KDR: variants seen among roughly 807,000 people sequenced by gnomAD.
The protein encoded by KDR is kinase insert domain receptor.
Under a neutral mutation model 160.9 loss-of-function variants are expected in KDR, and 43 were observed. The observed-to-expected ratio is 0.27, with a 90% CI of 0.21 to 0.34. The LOEUF (loss-of-function observed/expected upper bound fraction) is 0.34, where lower values mean the gene tolerates loss of function less well. KDR is among the 10% of genes least tolerant of loss of function. KDR has a pLI of 1.00. For missense variants in KDR, 1,469 were observed against 1,666.4 expected (o/e 0.88, Z 2.06); for synonymous variants, 617 against 600.1 (o/e 1.03, Z -0.41).
chr4:55,125,395 C>A lies in KDR; in HGVS notation c.-102G>T. 1 of 1,418,932 alleles carries A rather than the reference C, an allele frequency of 7.0e-7. No homozygotes were observed. Among genetic ancestry groups the A allele is most frequent in the South Asian group, 1.2e-5 (1 of 81,630 alleles). 87.9% of individuals were successfully genotyped at this position (1,418,932 alleles called of 1,614,324 possible). A position where few individuals can be genotyped will look rare whatever the true frequency, so the allele number is the denominator to read the frequency against. The stretch of plus-strand genomic sequence containing the variant: ...GCGCGGAGGTGGAACTCGCGGCACC[C>A]CGCAGCGCAGGACAGTTGAGCGCAC... On this transcript the variant is annotated 5_prime_UTR_variant, in exon 1 of 30. Transcript: ENST00000263923.
chr4:55,087,846 G>T, intron 26 of KDR, 88 bp from the exon 27 acceptor site: 1 of 1,191,068 alleles, frequency 8.4e-7, no homozygotes, highest in Non-Finnish European at 1.2e-6. Context: ...GGGACTTCTT[G>T]GCTACATAGG....
intron 9 of KDR, among the ~76,000 whole-genome samples, 160 bp downstream of exon 9, chr4:55,110,243 A>G (rs1272695635): frequency 2.6e-5 from 4 of 152,192 alleles, no homozygotes; most frequent in African/African-American, 4.8e-5. Context: ...ACATGGTCCT[A>G]CGTTTCACTT....
At chr4:55,092,750 T>C (rs1369044960) in intron 21 of KDR, 36 bp from the exon 22 acceptor site, 8 of 1,396,062 alleles carry the variant, frequency 5.7e-6, no homozygotes, top group Non-Finnish European at 8.2e-6. Flanking sequence ...GATCAGTATT[T>C]CCATGAGTTA....
intron 3 of KDR, among the ~76,000 whole-genome samples, chr4:55,116,181 C>T (rs1720732124): frequency 6.6e-6 from 1 of 152,258 alleles, no homozygotes; most frequent in Non-Finnish European, 1.5e-5. Context: ...CTTTGGGAGG[C>T]TGAGGCAGGT....
At chr4:55,099,435 T>C (rs908507032) in intron 15 of KDR, among the ~76,000 whole-genome samples, 3 of 152,080 alleles carry the variant, frequency 2.0e-5, no homozygotes, top group Non-Finnish European at 2.9e-5. Flanking sequence ...AAGCCAAACA[T>C]AGAAAGTGTT....
At chr4:55,095,077 G>T in intron 20 of KDR, 122 bp from the exon 21 acceptor site, 1 of 970,154 alleles carries the variant, frequency 1.0e-6, no homozygotes, top group Non-Finnish European at 1.6e-6. Flanking sequence ...CAGACAAGGA[G>T]GACATCAATT....
intron 18 of KDR, chr4:55,096,584 C>A (rs747885781): frequency 4.0e-5 from 22 of 543,244 alleles, no homozygotes; most frequent in Middle Eastern, 4.9e-4. Context: ...CATTGTGAAA[C>A]CTTTTGCAAA....
chr4:55,094,348 T>C (rs1444384931), intron 21 of KDR, among the ~76,000 whole-genome samples: 5 of 151,996 alleles, frequency 3.3e-5, no homozygotes, highest in African/African-American at 4.8e-5. Flanking sequence ...TGGGGTAGGG[T>C]AGAAACAACA....
At chr4:55,098,454 G>A (rs1355875725) in intron 16 of KDR, among the ~76,000 whole-genome samples, 182 bp from the exon 17 acceptor site, 1 of 152,090 alleles carries the variant, frequency 6.6e-6, no homozygotes, top group Non-Finnish European at 1.5e-5. Context: ...AAGGAGCTCA[G>A]AATTAAGGTT....
In KDR at chr4:55,093,695, C is replaced by G. The variant is rs17085267; in HGVS notation, c.2972-981G>C. Among the ~76,000 whole-genome samples the G allele has an allele frequency of 5.5e-4, 83 of 152,146 alleles. No individual in the cohort carries two copies. In the East Asian group the frequency reaches 0.016, roughly 29 times the overall value. ...GGAAAAGGAGTTAAATGCAAATTCT[C>G]TCTGTAGCCTCATGTCAAGGGAAAC... On this transcript the variant is annotated intron_variant, in intron 21 of 29. Coordinates refer to ENST00000263923, the MANE Select transcript of KDR (RefSeq NM_002253.4).
intron 23 of KDR, 45 bp from the exon 24 acceptor site, chr4:55,089,847 A>G (rs2110011263): frequency 6.2e-7 from 1 of 1,606,840 alleles, no homozygotes; most frequent in Non-Finnish European, 8.5e-7. Flanking sequence ...ATTAGCAAAT[A>G]TCTGAAGAAA....
At chr4:55,102,299 C>A in intron 14 of KDR, 63 bp downstream of exon 14, 1 of 1,555,024 alleles carries the variant, frequency 6.4e-7, no homozygotes, top group Non-Finnish European at 8.9e-7. Context: ...AATAATATGG[C>A]TTTTTAGATA....
Position 55,087,648 on chromosome 4 carries a change from T to C in KDR, c.3621A>G (p.Val1207=). Residue 1207 remains valine (V), a synonymous_variant, in exon 27 of 30, where the codon GTA becomes GTG. Coordinates refer to ENST00000263923, the MANE Select transcript of KDR (RefSeq NM_002253.4). ...TGTCATAATGGAATTTGGGGTCACATACTTCCTCCTCCTCCATACAGGAAA... is the reference window on the plus strand; with the variant it reads ...TGTCATAATGGAATTTGGGGTCACACACTTCCTCCTCCTCCATACAGGAAA... ...SPVSCMEEEE[V]CDPKFHYDNT... is the part of the protein sequence containing the mutation. 6.2e-7 allele frequency: 1 copy of C among 1,614,168 alleles called. No individual in the cohort carries two copies. Among genetic ancestry groups the C allele is most frequent in the Non-Finnish European group, 8.5e-7 (1 of 1,179,990 alleles).
chr4:55,095,511 C>A, intron 20 of KDR, 66 bp downstream of exon 20: 3 of 1,185,672 alleles, frequency 2.5e-6, no homozygotes, highest in Non-Finnish European at 3.8e-6. Flanking sequence ...AAAAAACTAA[C>A]CTGTACCATT....
rs551579207 is a variant in KDR at position 55,110,705 on chromosome 4, C to T, written c.1040G>A (p.Arg347His). 72 of 1,613,456 alleles carry T rather than the reference C, an allele frequency of 4.5e-5. No individual in the cohort carries two copies. Among genetic ancestry groups the T allele is most frequent in the Middle Eastern group, 1.7e-4 (1 of 6,060 alleles). ...AAGGTACTTCGCAGGGATTCTGACA[C>T]GCTCCCCCACCGTGGCTTCCACCAG... ...ESLVEATVGE[R>H]VRIPAKYLGY... Residue 347 changes from arginine (R) to histidine (H), a missense_variant, in exon 8 of 30, where the codon CGT becomes CAT. By Grantham distance (29) the Arg-to-His change is conservative. Coordinates refer to ENST00000263923, the MANE Select transcript of KDR (RefSeq NM_002253.4).
At chr4:55,082,897 A>T (rs960435281) in intron 27 of KDR, among the ~76,000 whole-genome samples, 1 of 152,344 alleles carries the variant, frequency 6.6e-6, no homozygotes, top group African/African-American at 2.4e-5. Flanking sequence ...CCAGTTCTGG[A>T]CTAAAGACAA....
intron 27 of KDR, among the ~76,000 whole-genome samples, chr4:55,086,670 C>T (rs1053905083): frequency 1.3e-5 from 2 of 152,170 alleles, no homozygotes; most frequent in Non-Finnish European, 2.9e-5. Context: ...TCTAAGCTTT[C>T]TTCCTTCCCA....
chr4:55,114,191 T>G lies in KDR; in HGVS notation c.733A>C (p.Asn245His). 6.2e-7 allele frequency: 1 copy of G among 1,614,060 alleles called. No individual in the cohort carries two copies. Among genetic ancestry groups the G allele is most frequent in the Non-Finnish European group, 8.5e-7 (1 of 1,179,942 alleles). ...ELSVGEKLVL[N>H]CTARTELNVG... ...TTTAGTTCAGTTCTTGCTGTACAAT[T>G]TAAGACAAGCTTTTCTCCAACAGAT... Residue 245 changes from asparagine (N) to histidine (H), a missense_variant, in exon 6 of 30, where the codon AAT becomes CAT. Physicochemically the swap from Asn to His is moderately conservative, Grantham distance 68 (BLOSUM62 1). This residue lies in a region of KDR where 792 missense variants were observed against 840.9 expected (regional missense o/e 0.94). Coordinates refer to ENST00000263923, the MANE Select transcript of KDR (RefSeq NM_002253.4).
At chr4:55,105,787 A>G (rs1231236559) in intron 12 of KDR, 45 bp downstream of exon 12, 2 of 1,141,598 alleles carry the variant, frequency 1.8e-6, no homozygotes, top group Admixed American at 1.7e-5. Context: ...CTTAGTACCC[A>G]CTGTGTGAGT....
Sources: gnomAD v4.1 joint callset for allele counts (sites outside exome capture counted in the v4.1 genomes callset) on GRCh38, gnomAD v4.1.1 for gene constraint, gnomAD v4.1.1 regional missense constraint, MANE v1.5 for transcripts, NCBI Gene and HGNC (gene_info 2026-07-23, HGNC 2026-07-21) for gene names.